PCNT: variants seen among roughly 807,000 people sequenced by gnomAD.
PCNT encodes kendrin.
A neutral mutation model predicts 380.4 loss-of-function variants in PCNT; 319 were observed. The ratio of observed to expected loss-of-function variants is 0.84; its 90% CI spans 0.77 to 0.92. The LOEUF (loss-of-function observed/expected upper bound fraction) is 0.92, where lower values mean the gene tolerates loss of function less well. Among genes scored for constraint, PCNT ranks in the 40% least tolerant of loss-of-function variants. PCNT has a pLI of 0.00. For synonymous variants in PCNT, 1,845 were observed against 1,735.2 expected (o/e 1.06, Z -1.57); for missense variants, 4,400 against 4,255.3 (o/e 1.03, Z -0.95).
intron 27 of PCNT, among the ~76,000 whole-genome samples, chr21:46,403,346 C>A (rs367953462): frequency 7.6e-6 from 1 of 131,748 alleles, no homozygotes; most frequent in Non-Finnish European, 1.6e-5. Context: ...GGTGCCCACG[C>A]GGCGCGTGCT....
rs780380212 is a variant in PCNT, at chr21:46,359,124, TG to T, written c.2154+1934del. On this transcript the variant is annotated intron_variant, in intron 13 of 46. Coordinates refer to ENST00000359568, the MANE Select transcript of PCNT (RefSeq NM_006031.6). ...CACCCAACCATGCCCAGCTAATTTT[TG>T]TATTTTTAGTAGAGACAGGGTTTCA... 3.3e-5 allele frequency among the ~76,000 whole-genome samples: 5 copies of T among 152,130 alleles called. No homozygotes were observed. In the East Asian group the frequency reaches 9.6e-4, roughly 29 times the overall value.
chr21:46,438,073 A>C (rs1361280512), intron 40 of PCNT, 91 bp from the exon 41 acceptor site: 1 of 1,026,100 alleles, frequency 9.7e-7, no homozygotes, highest in African/African-American at 1.6e-5. Context: ...CATTAATTAC[A>C]ATCCCTAAAA....
chr21:46,393,347 G>A (rs1211170633), intron 21 of PCNT, among the ~76,000 whole-genome samples: 1 of 152,310 alleles, frequency 6.6e-6, no homozygotes, highest in Non-Finnish European at 1.5e-5. Flanking sequence ...CGTCTCTGAC[G>A]TCCTGCATCG....
chr21:46,384,922 C>G lies in PCNT; in HGVS notation c.3313-910C>G, dbSNP rs145810509. 2.9e-3 allele frequency among the ~76,000 whole-genome samples: 443 copies of G among 152,346 alleles called. 1 individual carries two copies. The highest frequency in any genetic ancestry group is 9.9e-3 in the African/African-American group (412 of 41,578). On this transcript the variant is annotated intron_variant, in intron 16 of 46. Transcript: ENST00000359568. Reference sequence around the variant, plus strand: ...TGCATTCATGGTGTTGTGCGTAGTTCAGTGGTGCAGGCACATTCACGGTGT... The same window carrying G: ...TGCATTCATGGTGTTGTGCGTAGTTGAGTGGTGCAGGCACATTCACGGTGT...
Position 46,411,594 on chromosome 21 carries a change from A to C in PCNT, c.5521A>C (p.Asn1841His). The change falls in exon 28 of 47, where the codon AAT (asparagine) becomes CAT (histidine). Residue 1841 changes from asparagine to histidine, a missense_variant. Transcript: ENST00000359568. ...GCTACAGCTGGCTGAGCTGGAGCGC[A>C]ATGTAGCCCTCAGGGAGGCTGAGGT... Reference protein sequence around the residue: ...AELQLAELERNVALREAEVED... With the variant: ...AELQLAELERHVALREAEVED... The C allele has an allele frequency of 1.2e-6, 2 of 1,612,980 alleles. No individual in the cohort carries two copies. The highest frequency in any genetic ancestry group is 1.6e-4 in the Middle Eastern group (1 of 6,062).
chr21:46,424,720 C>CG (rs1361436921), intron 32 of PCNT, among the ~76,000 whole-genome samples: 4 of 146,558 alleles, frequency 2.7e-5, no homozygotes, highest in Admixed American at 6.8e-5. Context: ...CTGCGCCCCC[C>CG]CCAACCCTGC....
intron 3 of PCNT, among the ~76,000 whole-genome samples, chr21:46,336,192 GT>G (rs2083730486): frequency 6.6e-6 from 1 of 152,012 alleles, no homozygotes; most frequent in Non-Finnish European, 1.5e-5. Context: ...GGTCAGACTG[GT>G]CTCGAACTCC....
chr21:46,418,426 C>T, intron 31 of PCNT, 120 bp downstream of exon 31: 1 of 719,988 alleles, frequency 1.4e-6, no homozygotes, highest in Admixed American at 2.1e-5. Context: ...GACCTCCACC[C>T]CGGCTCTGCG....
intron 15 of PCNT, among the ~76,000 whole-genome samples, chr21:46,380,989 G>A (rs1301283297): frequency 2.0e-5 from 3 of 152,102 alleles, no homozygotes; most frequent in African/African-American, 7.2e-5. Flanking sequence ...ACAGGTTTTG[G>A]TAGAAACCCT....
intron 2 of PCNT, among the ~76,000 whole-genome samples, chr21:46,329,842 T>C (rs1365326849): frequency 3.3e-5 from 5 of 152,234 alleles, no homozygotes; most frequent in Non-Finnish European, 5.9e-5. Context: ...GGATACTTTC[T>C]CTAGGAAAAG....
intron 8 of PCNT, 48 bp downstream of exon 8, chr21:46,349,868 T>G (rs2146600391): frequency 6.3e-7 from 1 of 1,582,850 alleles, no homozygotes; most frequent in South Asian, 1.1e-5. Flanking sequence ...TAGGGAAGTT[T>G]TAACAGATTT....
In PCNT at chr21:46,399,658, G is replaced by A. The variant is rs1460364702; in HGVS notation, c.4653G>A (p.Glu1551=). Reference sequence around the variant, plus strand: ...TTAATGAATTGGCTATACAGAAAGAGTCGGCAGATAGACAAGTGTTAATGC... The same window carrying A: ...TTAATGAATTGGCTATACAGAAAGAATCGGCAGATAGACAAGTGTTAATGC... ...DEFNELAIQK[E]SADRQVLMQE... The change falls in exon 25 of 47, where the codon GAG becomes GAA. Residue 1551 remains glutamate (E), a synonymous_variant. Coordinates refer to ENST00000359568, the MANE Select transcript of PCNT (RefSeq NM_006031.6). 6.2e-7 allele frequency: 1 copy of A among 1,613,952 alleles called. No homozygotes were observed. The highest frequency in any genetic ancestry group is 1.7e-5 in the Admixed American group (1 of 60,026).
intron 3 of PCNT, among the ~76,000 whole-genome samples, chr21:46,342,780 C>T (rs764201212): frequency 7.9e-5 from 12 of 152,180 alleles, no homozygotes; most frequent in Admixed American, 2.6e-4. Context: ...CCGCCTGCCT[C>T]GGCCTCCCAA....
At chr21:46,436,904 T>G in intron 39 of PCNT, 75 bp from the exon 40 acceptor site, 2 of 1,040,340 alleles carry the variant, frequency 1.9e-6, no homozygotes, top group Non-Finnish European at 3.0e-6. Flanking sequence ...TCTTGAGCCG[T>G]GAGCTCTTGT....
rs1196704913 is a variant in PCNT, at chr21:46,398,002, C to G, written c.4447-12C>G. The G allele has an allele frequency of 6.4e-7, 1 of 1,570,512 alleles. No homozygotes were observed. The highest frequency in any genetic ancestry group is 1.9e-5 in the Admixed American group (1 of 53,948). On this transcript the variant is annotated splice_polypyrimidine_tract_variant and intron_variant, in intron 22 of 46. Coordinates refer to ENST00000359568, the MANE Select transcript of PCNT (RefSeq NM_006031.6). ...CGTTGGGGTGGTCCCAACACGCTGC[C>G]TCTCCTCCCAGGAGCAGGCAGCCGA...
chr21:46,383,474 C>G (rs1490140704), intron 16 of PCNT, among the ~76,000 whole-genome samples: 1 of 141,208 alleles, frequency 7.1e-6, no homozygotes, highest in South Asian at 2.4e-4. Context: ...AGCGCATTCA[C>G]AGTGTTGTAT....
Position 46,355,552 on chromosome 21 carries a change from C to T in PCNT, c.1862C>T (p.Ser621Leu). The T allele has an allele frequency of 6.2e-7, 1 of 1,614,132 alleles. No homozygotes were observed. Residue 621 changes from serine to leucine, a missense_variant, in exon 12 of 47, where the codon TCA becomes TTA. By Grantham distance (145) the Ser-to-Leu change is moderately radical (BLOSUM62 -2). Transcript: ENST00000359568. ...PLCIQHEGHV[S>L]DRCCVETSAL... ...TGCATCCAGCACGAGGGGCATGTCT[C>T]AGACAGATGCTGCGTAGAGACTTCA...
intron 3 of PCNT, among the ~76,000 whole-genome samples, chr21:46,341,606 A>C (rs1167019109): frequency 1.3e-5 from 2 of 152,030 alleles, no homozygotes; most frequent in Non-Finnish European, 2.9e-5. Flanking sequence ...GTCTCAAGCC[A>C]TTCTCCTGCC....
chr21:46,442,967 C>T, intron 44 of PCNT: 1 of 314,776 alleles, frequency 3.2e-6, no homozygotes, highest in Non-Finnish European at 6.2e-6. Context: ...CTCTGCCGAG[C>T]CATTGCCCCC....
Sources: allele counts gnomAD v4.1 joint callset (sites outside exome capture counted in the v4.1 genomes callset), GRCh38; gene constraint gnomAD v4.1.1; transcripts MANE v1.5; gene names NCBI Gene and HGNC (gene_info 2026-07-23, HGNC 2026-07-21).